Variants in PHF14 observed in about 807,000 individuals in gnomAD.
PHF14 encodes PHD finger protein 14.
A neutral mutation model predicts 117.9 loss-of-function variants in PHF14; 55 were observed. That is an observed-to-expected ratio of 0.47 (90% confidence interval 0.38 to 0.58). The LOEUF is 0.58. Among genes scored for constraint, PHF14 ranks in the 20% least tolerant of loss-of-function variants. The pLI is 0.00. For missense variants in PHF14, 978 were observed against 1,122.2 expected (o/e 0.87, Z 1.84); for synonymous variants, 409 against 368.6 (o/e 1.11, Z -1.26).
Position 10,974,108 on chromosome 7 carries a change from G to T in PHF14, c.-216G>T, listed in dbSNP as rs982997679. 3 of 551,368 alleles carry T rather than the reference G, an allele frequency of 5.4e-6. No homozygotes were observed. Among genetic ancestry groups the T allele is most frequent in the Non-Finnish European group, 9.8e-6 (3 of 306,034 alleles). The allele number at this position is 551,368 out of a possible 1,614,324, so 34.2% of individuals were successfully genotyped here. ...CGGCCAGGGAGCGCTGTGGGAAGGG[G>T]CTCGAGCGGCCAGGGCCAGGCGAGG... is the stretch of plus-strand genomic sequence containing the variant. On this transcript the variant is annotated 5_prime_UTR_variant, in exon 1 of 18. Transcript: ENST00000634607.
intron 16 of PHF14, chr7:11,109,872 A>G (rs956609679): frequency 3.3e-5 from 5 of 151,936 alleles, no homozygotes; most frequent in African/African-American, 9.7e-5. Flanking sequence ...CATTTTTTAA[A>G]GTCTTGAATC....
chr7:10,977,788 T>C (rs1781917540), intron 2 of PHF14, among the ~76,000 whole-genome samples: 1 of 152,118 alleles, frequency 6.6e-6, no homozygotes, highest in Admixed American at 6.5e-5. Context: ...CTATATGGAA[T>C]TACCAGTTTT....
intron 16 of PHF14, chr7:11,109,576 A>G (rs1583472857): frequency 6.6e-6 from 1 of 151,904 alleles, no homozygotes. Context: ...GAAGGTTTCT[A>G]TATCCATAGG....
At position 10,983,098 on chromosome 7, in the gene PHF14, G is replaced by C; in HGVS notation, c.839G>C (p.Ser280Thr). ...AAGAGTAAAGTTCTTAGCAGAAACA[G>C]TGCTGATGATGAGGAACTGACCAAT... ...KKKSKVLSRN[S>T]ADDEELTNDS... is the part of the protein sequence containing the mutation. Residue 280 changes from serine (S) to threonine (T), a missense_variant, in exon 3 of 18, where the codon AGT becomes ACT. Coordinates refer to ENST00000634607, the MANE Select transcript of PHF14 (RefSeq NM_001007157.2). The C allele has an allele frequency of 6.3e-7, 1 of 1,599,408 alleles. No individual in the cohort carries two copies. The highest frequency in any genetic ancestry group is 8.5e-7 in the Non-Finnish European group (1 of 1,179,680).
At chr7:11,045,595 T>G (rs1371812318) in intron 13 of PHF14, among the ~76,000 whole-genome samples, 2 of 152,216 alleles carry the variant, frequency 1.3e-5, no homozygotes, top group East Asian at 3.9e-4. Context: ...GTACCAGCAC[T>G]GTTTTCAAGG....
chr7:11,048,109 G>C (rs1426886278), intron 13 of PHF14, among the ~76,000 whole-genome samples: 2 of 151,992 alleles, frequency 1.3e-5, no homozygotes, highest in Non-Finnish European at 2.9e-5. Context: ...TATTGTCCAT[G>C]GGAATTATAA....
chr7:11,115,074 G>A (rs1423764235), intron 17 of PHF14, among the ~76,000 whole-genome samples: 1 of 151,906 alleles, frequency 6.6e-6, no homozygotes, highest in Admixed American at 6.6e-5. Flanking sequence ...TCACATATCT[G>A]GAATCATCCT....
chr7:11,055,133 T>C (rs1370956867), intron 14 of PHF14, among the ~76,000 whole-genome samples: 1 of 152,188 alleles, frequency 6.6e-6, no homozygotes, highest in Non-Finnish European at 1.5e-5. Context: ...TACTTTGTTA[T>C]TTAGACATTT....
Position 11,040,677 on chromosome 7 carries a change from G to T in PHF14, c.2082G>T (p.Leu694Phe), listed in dbSNP as rs866442358. 6.5e-7 allele frequency: 1 copy of T among 1,534,728 alleles called. No individual in the cohort carries two copies. The highest frequency in any genetic ancestry group is 8.8e-7 in the Non-Finnish European group (1 of 1,134,130). The change falls in exon 12 of 18, where the codon TTG becomes TTT. Residue 694 changes from leucine to phenylalanine, a missense_variant. Around this residue, in one of 7 missense-constraint regions of PHF14, gnomAD observed 237 missense variants for 276.4 expected, o/e 0.86. Coordinates refer to ENST00000634607, the MANE Select transcript of PHF14 (RefSeq NM_001007157.2). ...ACATTTGTTCAAATCAATAGAAGTT[G>T]AATATACCGGCAATTTTGCGAGCAC... ...ALLGRITGQKLNIPAILRAPK... is the reference protein window; with the variant it reads ...ALLGRITGQKFNIPAILRAPK...
chr7:11,122,429 GTATATATATATACGTA>G (rs1231574987), intron 17 of PHF14, among the ~76,000 whole-genome samples: 1 of 86,262 alleles, frequency 1.2e-5, no homozygotes, highest in Non-Finnish European at 2.3e-5. Flanking sequence ...ATATATACAC[GTATATATATATACGTA>G]TATATATATA....
chr7:11,150,996 C>T (rs1486690762), intron 17 of PHF14, among the ~76,000 whole-genome samples: 2 of 152,016 alleles, frequency 1.3e-5, no homozygotes, highest in Non-Finnish European at 2.9e-5. Context: ...ACTACACTGT[C>T]TTAATGGGTT....
rs897034128 is a variant in PHF14 at position 11,104,327 on chromosome 7, C to T, written c.2655-7023C>T. The stretch of plus-strand genomic sequence containing the variant: ...CTGCAAAATTCATAAGATATAGGTC[C>T]TGCAAAAAGTATAGTTGAAGTAAGA... On this transcript the variant is annotated intron_variant, in intron 16 of 17. Coordinates refer to ENST00000634607, the MANE Select transcript of PHF14 (RefSeq NM_001007157.2). The T allele has an allele frequency of 1.3e-5, 13 of 978,318 alleles. No individual in the cohort carries two copies. In the African/African-American group the frequency reaches 2.1e-4, roughly 16 times the overall value. The allele number at this position is 978,318 out of a possible 1,614,324, so 60.6% of individuals were successfully genotyped here. A position where few individuals can be genotyped will look rare whatever the true frequency, so the allele number is the denominator to read the frequency against.
At chr7:11,008,689 GTAT>G (rs1284165157) in intron 4 of PHF14, among the ~76,000 whole-genome samples, 1 of 152,128 alleles carries the variant, frequency 6.6e-6, no homozygotes, top group African/African-American at 2.4e-5. Flanking sequence ...TTTCTGACAA[GTAT>G]TATGCATGTT....
intron 17 of PHF14, among the ~76,000 whole-genome samples, chr7:11,147,542 T>C (rs759398995): frequency 1.3e-5 from 2 of 152,232 alleles, no homozygotes; most frequent in African/African-American, 2.4e-5. Flanking sequence ...CCAATAGTTA[T>C]GCCGCTGTCT....
At chr7:10,990,644 T>G in intron 3 of PHF14, 59 bp from the exon 4 acceptor site, 1 of 1,074,934 alleles carries the variant, frequency 9.3e-7, no homozygotes. Context: ...TTTTAGTGAT[T>G]AAGTTTTTTT....
At chr7:11,017,236 A>G (rs926200824) in intron 5 of PHF14, among the ~76,000 whole-genome samples, 14 of 151,336 alleles carry the variant, frequency 9.3e-5, no homozygotes, top group Non-Finnish European at 1.6e-4. Context: ...TCTTTAATGT[A>G]CTGATTTCCT....
At chr7:11,087,762 A>C (rs1303004501) in intron 16 of PHF14, among the ~76,000 whole-genome samples, 2 of 152,238 alleles carry the variant, frequency 1.3e-5, no homozygotes, top group Non-Finnish European at 2.9e-5. Flanking sequence ...TGTGATACAT[A>C]TGGACACATG....
At chr7:11,103,133 A>G in intron 16 of PHF14, 4 of 978,192 alleles carry the variant, frequency 4.1e-6, no homozygotes, top group Non-Finnish European at 4.9e-6. Flanking sequence ...CAAAAGTGAA[A>G]GACTTGTGAA....
chr7:11,123,079 G>A (rs964281730), intron 17 of PHF14, among the ~76,000 whole-genome samples: 1 of 151,946 alleles, frequency 6.6e-6, no homozygotes. Flanking sequence ...CATTTCTTTG[G>A]TTTTTTTGAT....
Sources: allele counts gnomAD v4.1 joint callset (sites outside exome capture counted in the v4.1 genomes callset), GRCh38; gene constraint gnomAD v4.1.1; regional missense constraint gnomAD v4.1.1; transcripts MANE v1.5; gene names NCBI Gene and HGNC (gene_info 2026-07-23, HGNC 2026-07-21).